The following CEACAM18 variants were observed in gnomAD, a reference collection of about 807,000 sequenced individuals.
The protein encoded by CEACAM18 is cell adhesion molecule CEACAM18.
Under a neutral mutation model 34.3 loss-of-function variants are expected in CEACAM18, and 33 were observed. The observed-to-expected ratio is 0.96, with a 90% CI of 0.73 to 1.29. CEACAM18 has a LOEUF of 1.29. Among genes scored for constraint, CEACAM18 ranks in the 50% most tolerant of loss-of-function variants. The probability of loss-of-function intolerance (pLI) is 0.00; values close to 1 mark genes in which losing one functional copy is unlikely to be tolerated. For missense variants in CEACAM18, 474 were observed against 485.0 expected, an observed-to-expected ratio of 0.98 and a Z score of 0.21; for synonymous variants, 169 against 180.9, an observed-to-expected ratio of 0.93 and a Z score of 0.53.
chr19:51,481,356 C>G, intron 2 of CEACAM18, 37 bp from the exon 3 acceptor site: 1 of 1,600,046 alleles, frequency 6.2e-7, no homozygotes, highest in East Asian at 2.2e-5. Context: ...GAAGCAGACC[C>G]CACTTGTAAT....
exon 3 of CEACAM18, chr19:51,481,537 C>A: frequency 6.2e-7 from 1 of 1,614,010 alleles, no homozygotes. Context: ...GACCGGATGA[C>A]AATTTCCCCA....
At chr19:51,485,926 A>G (rs1989991933) in intron 5 of CEACAM18, among the ~76,000 whole-genome samples, 1 of 152,226 alleles carries the variant, frequency 6.6e-6, no homozygotes, top group African/African-American at 2.4e-5. Flanking sequence ...TGAAGATCAC[A>G]TGGGAGGCAA....
At chr19:51,487,816 G>T (rs922961525) in intron 5 of CEACAM18, among the ~76,000 whole-genome samples, 14 of 152,244 alleles carry the variant, frequency 9.2e-5, no homozygotes, top group African/African-American at 2.9e-4. Context: ...GTGAAGAAAA[G>T]GCCTGTAACA....
chr19:51,481,582 G>T (rs765039070), exon 3 of CEACAM18: 1 of 1,613,828 alleles, frequency 6.2e-7, no homozygotes, highest in Non-Finnish European at 8.5e-7. Context: ...AGGGTCAGCC[G>T]CTATGACAGA....
At chr19:51,482,298 T>C (rs1989930842) in intron 3 of CEACAM18, among the ~76,000 whole-genome samples, 2 of 152,198 alleles carry the variant, frequency 1.3e-5, no homozygotes, top group African/African-American at 4.8e-5. Context: ...CTTAGATTTT[T>C]CCCCAGTATT....
intron 4 of CEACAM18, among the ~76,000 whole-genome samples, chr19:51,484,257 T>A (rs1457307244): frequency 1.3e-5 from 2 of 151,770 alleles, no homozygotes; most frequent in African/African-American, 4.8e-5. Context: ...CTCCAAGTCA[T>A]CGATTCACAT....
exon 4 of CEACAM18, chr19:51,483,213 G>C (rs572443134): frequency 1.2e-4 from 199 of 1,613,928 alleles, no homozygotes; most frequent in Non-Finnish European, 1.6e-4. Flanking sequence ...CCTGGGAGCA[G>C]ATGGGCCGTT....
intron 5 of CEACAM18, among the ~76,000 whole-genome samples, chr19:51,488,351 A>C (rs1431246415): frequency 6.6e-6 from 1 of 152,200 alleles, no homozygotes; most frequent in East Asian, 1.9e-4. Flanking sequence ...TACTAGTAAG[A>C]GCTTACTTTA....
rs1159605561 is a variant in CEACAM18, at chr19:51,481,316, G to T, written c.401-77G>T. The stretch of plus-strand genomic sequence containing the variant: ...TCTTGGCTTCTCTCCAACATGCCCA[G>T]AAGTCCCCTGGAGAGGAGCAGAGCT... On this transcript the variant is annotated intron_variant, in intron 2 of 5. Transcript: ENST00000396477. The T allele has an allele frequency of 2.0e-6, 3 of 1,478,394 alleles. No individual in the cohort carries two copies. In the African/African-American group the frequency reaches 4.2e-5, roughly 21 times the overall value. 91.6% of individuals were successfully genotyped at this position (1,478,394 alleles called of 1,614,324 possible).
chr19:51,481,888 G>A (rs2122183317), intron 3 of CEACAM18, among the ~76,000 whole-genome samples: 1 of 152,256 alleles, frequency 6.6e-6, no homozygotes, highest in South Asian at 2.1e-4. Context: ...AAATGAAGAC[G>A]CCAGTCCCCA....
At chr19:51,478,669 C>A in exon 1 of CEACAM18, 2 of 1,494,194 alleles carry the variant, frequency 1.3e-6, no homozygotes, top group African/African-American at 1.4e-5. Context: ...CCAGATGGAG[C>A]CTGTGGAGGA....
chr19:51,489,206 C>G (rs1990049794), intron 5 of CEACAM18, among the ~76,000 whole-genome samples: 1 of 148,402 alleles, frequency 6.7e-6, no homozygotes, highest in South Asian at 2.3e-4. Flanking sequence ...GACATTAAGT[C>G]AACCTCAGTG....
At chr19:51,487,740 A>T (rs1176704398) in intron 5 of CEACAM18, among the ~76,000 whole-genome samples, 3 of 151,082 alleles carry the variant, frequency 2.0e-5, no homozygotes, top group Non-Finnish European at 4.4e-5. Flanking sequence ...TCGAGATCAC[A>T]CCATGGCACT....
chr19:51,481,088 G>A (rs1034986779), intron 2 of CEACAM18, among the ~76,000 whole-genome samples: 4 of 152,174 alleles, frequency 2.6e-5, no homozygotes, highest in South Asian at 4.1e-4. Context: ...AGAACCTCTC[G>A]TGTCTCCTGG....
chr19:51,482,070 G>T (rs2066512279), intron 3 of CEACAM18, among the ~76,000 whole-genome samples: 1 of 152,076 alleles, frequency 6.6e-6, no homozygotes, highest in Admixed American at 6.5e-5. Context: ...ACTAAATTTA[G>T]TATAGTCCCT....
Position 51,480,265 on chromosome 19 carries a change from C to T in CEACAM18, c.53-68C>T. On this transcript the variant is annotated intron_variant, in intron 1 of 5. Coordinates refer to ENST00000396477, the Ensembl canonical transcript of CEACAM18. ...TCGTTCCCGGATGGTGTCTTTTTTC[C>T]TTGTCTTCTCAGCCAGTCTGAATCT... 3.1e-6 allele frequency: 4 copies of T among 1,300,214 alleles called. No individual in the cohort carries two copies. The Admixed American group carries it at 7.4e-5, about 24-fold the overall frequency. 80.5% of individuals were successfully genotyped at this position (1,300,214 alleles called of 1,614,324 possible).
At chr19:51,488,580 T>C (rs1302759945) in intron 5 of CEACAM18, among the ~76,000 whole-genome samples, 1 of 152,170 alleles carries the variant, frequency 6.6e-6, no homozygotes, top group African/African-American at 2.4e-5. Flanking sequence ...TGCAGGGTTG[T>C]TGGCTAGTCT....
At chr19:51,484,634 C>T (rs1989970476) in intron 4 of CEACAM18, among the ~76,000 whole-genome samples, 1 of 99,740 alleles carries the variant, frequency 1.0e-5, no homozygotes, top group African/African-American at 3.2e-5. Context: ...ATAGTTGGTG[C>T]TCAGTGAACA....
intron 2 of CEACAM18, among the ~76,000 whole-genome samples, chr19:51,480,905 A>G (rs575543331): frequency 6.6e-6 from 1 of 152,288 alleles, no homozygotes; most frequent in African/African-American, 2.4e-5. Context: ...GCAAATACAT[A>G]CTGCAGGACC....
Sources: gnomAD v4.1 joint callset for allele counts (sites outside exome capture counted in the v4.1 genomes callset) on GRCh38, gnomAD v4.1.1 for gene constraint, MANE v1.5 for transcripts, NCBI Gene and HGNC (gene_info 2026-07-23, HGNC 2026-07-21) for gene names.